The following GALNT13 variants were observed in gnomAD, a reference collection of about 807,000 sequenced individuals.
GALNT13 encodes the protein polypeptide N-acetylgalactosaminyltransferase 13.
Under a neutral mutation model 64.2 loss-of-function variants are expected in GALNT13, and 28 were observed. The observed-to-expected ratio is 0.44, with a 90% CI of 0.32 to 0.60. The LOEUF (loss-of-function observed/expected upper bound fraction) is 0.60. Among genes scored for constraint, GALNT13 ranks in the 20% least tolerant of loss-of-function variants. GALNT13 has a pLI of 0.05. For synonymous variants in GALNT13, 214 were observed against 224.6 expected, an observed-to-expected ratio of 0.95 and a Z score of 0.42; for missense variants, 577 against 669.8, an observed-to-expected ratio of 0.86 and a Z score of 1.53.
intron 11 of GALNT13, among the ~76,000 whole-genome samples, chr2:154,416,842 T>G (rs759762371): frequency 2.0e-5 from 3 of 152,154 alleles, no homozygotes; most frequent in East Asian, 3.9e-4. Flanking sequence ...TCTTCACATT[T>G]TATTTTTCTG....
At chr2:154,030,183 C>CA (rs1478686050) in intron 3 of GALNT13, among the ~76,000 whole-genome samples, 1 of 151,718 alleles carries the variant, frequency 6.6e-6, no homozygotes, top group Non-Finnish European at 1.5e-5. Context: ...TGAGAGACAC[C>CA]AAAACAAATT....
intron 8 of GALNT13, among the ~76,000 whole-genome samples, chr2:154,278,538 G>A (rs1691782586): frequency 6.6e-6 from 1 of 152,154 alleles, no homozygotes; most frequent in South Asian, 2.1e-4. Context: ...CAGCAAAAGA[G>A]CAAGGCATTT....
chr2:153,777,703 G>T, the GALNT13 span, among the ~76,000 whole-genome samples: 9 of 152,132 alleles, frequency 5.9e-5, no homozygotes, highest in Non-Finnish European at 1.3e-4. Flanking sequence ...CACACCTCTA[G>T]GGGAGCATAC....
At chr2:153,172,126 A>T in the GALNT13 span, 1 of 152,262 alleles carries the variant, frequency 6.6e-6, no homozygotes, top group African/African-American at 2.4e-5. Context: ...AGACAAAGAC[A>T]TATGGATGGG....
chr2:153,845,538 C>A, the GALNT13 span, among the ~76,000 whole-genome samples: 1 of 152,170 alleles, frequency 6.6e-6, no homozygotes, highest in Non-Finnish European at 1.5e-5. Context: ...TCCCCATGAT[C>A]CAAACACCTC....
intron 8 of GALNT13, among the ~76,000 whole-genome samples, chr2:154,282,939 GA>G (rs1268580258): frequency 6.6e-6 from 1 of 152,112 alleles, no homozygotes; most frequent in Non-Finnish European, 1.5e-5. Context: ...AAACAACTAA[GA>G]AGGCATTCTC....
intron 3 of GALNT13, among the ~76,000 whole-genome samples, chr2:154,030,988 A>C (rs558859859): frequency 2.0e-5 from 3 of 152,316 alleles, no homozygotes; most frequent in Non-Finnish European, 4.4e-5. Context: ...CGCTGAAAAT[A>C]AAATGAATGA....
At chr2:153,091,063 G>T in the GALNT13 span, among the ~76,000 whole-genome samples, 1 of 151,996 alleles carries the variant, frequency 6.6e-6, no homozygotes, top group East Asian at 1.9e-4. Flanking sequence ...GACTCCATTG[G>T]CGGTGTCTCC....
chr2:153,100,766 C>T, the GALNT13 span, among the ~76,000 whole-genome samples: 4 of 152,196 alleles, frequency 2.6e-5, no homozygotes, highest in South Asian at 2.1e-4. Flanking sequence ...CTATGGCTCA[C>T]GCCTGTAATC....
intron 2 of GALNT13, among the ~76,000 whole-genome samples, chr2:153,901,351 AT>A (rs1558843033): frequency 6.6e-6 from 1 of 152,184 alleles, no homozygotes; most frequent in Non-Finnish European, 1.5e-5. Context: ...TTTCCTAATT[AT>A]ATGAACAATA....
chr2:153,080,127 C>A, the GALNT13 span, among the ~76,000 whole-genome samples: 3 of 151,970 alleles, frequency 2.0e-5, no homozygotes, highest in African/African-American at 7.2e-5. Context: ...TCCCTCCACC[C>A]TTTTTTGCAT....
chr2:153,146,301 A>G, the GALNT13 span, among the ~76,000 whole-genome samples: 1 of 151,710 alleles, frequency 6.6e-6, no homozygotes. Context: ...GGGTTCTCTG[A>G]AGACATAATT....
At chr2:153,469,897 CT>C in the GALNT13 span, among the ~76,000 whole-genome samples, 376 of 151,080 alleles carry the variant, frequency 2.5e-3, 1 homozygote, top group African/African-American at 8.9e-3. Flanking sequence ...TGTCAAATGA[CT>C]GATCCAAATG....
chr2:154,285,463 T>G (rs1269381191), intron 8 of GALNT13, among the ~76,000 whole-genome samples: 2 of 152,160 alleles, frequency 1.3e-5, no homozygotes, highest in African/African-American at 4.8e-5. Context: ...CAATGTCACA[T>G]ATTAAAGACA....
chr2:154,237,122 C>T (rs887212727), intron 4 of GALNT13, among the ~76,000 whole-genome samples: 1 of 151,800 alleles, frequency 6.6e-6, no homozygotes, highest in Non-Finnish European at 1.5e-5. Context: ...AACTATGCAG[C>T]TTGAGACTTG....
chr2:153,292,976 A>G, the GALNT13 span, among the ~76,000 whole-genome samples: 2 of 152,130 alleles, frequency 1.3e-5, no homozygotes, highest in African/African-American at 4.8e-5. Flanking sequence ...GTTTATCTTC[A>G]TCACTGTATA....
At chr2:153,240,598 A>C in the GALNT13 span, among the ~76,000 whole-genome samples, 1 of 152,152 alleles carries the variant, frequency 6.6e-6, no homozygotes, top group African/African-American at 2.4e-5. Flanking sequence ...TTTAATTGCA[A>C]TAGAGAAATA....
Position 154,222,996 on chromosome 2 carries a change from G to A in GALNT13, c.312-19034G>A, listed in dbSNP as rs574648671. On this transcript the variant is annotated intron_variant, in intron 4 of 12. Coordinates refer to ENST00000392825, the MANE Select transcript of GALNT13 (RefSeq NM_052917.4). ...ATGCCAGCTCTAGTTCAGAGTTCACGTGTAGCAAGACAGGAATACTTGATT... is the reference window on the plus strand; with the variant it reads ...ATGCCAGCTCTAGTTCAGAGTTCACATGTAGCAAGACAGGAATACTTGATT... Among the ~76,000 whole-genome samples the A allele has an allele frequency of 5.9e-5, 9 of 152,200 alleles. No homozygotes were observed. In the East Asian group the frequency reaches 1.3e-3, roughly 23 times the overall value.
At chr2:154,011,121 C>A (rs902418408) in intron 3 of GALNT13, among the ~76,000 whole-genome samples, 4 of 151,322 alleles carry the variant, frequency 2.6e-5, no homozygotes, top group East Asian at 1.9e-4. Flanking sequence ...TTTAAAATTT[C>A]TTTTCTTTTG....
Sources: allele counts gnomAD v4.1 joint callset (sites outside exome capture counted in the v4.1 genomes callset), GRCh38; gene constraint gnomAD v4.1.1; transcripts MANE v1.5; gene names NCBI Gene and HGNC (gene_info 2026-07-23, HGNC 2026-07-21).